The following IGF2BP3 variants were observed in gnomAD, a reference collection of about 807,000 sequenced individuals.
IGF2BP3 encodes insulin-like growth factor 2 mRNA-binding protein 3.
A neutral mutation model predicts 73.8 loss-of-function variants in IGF2BP3; 9 were observed. The observed-to-expected ratio is 0.12, with a 90% CI of 0.07 to 0.21. The LOEUF (loss-of-function observed/expected upper bound fraction) is 0.21, where lower values mean the gene tolerates loss of function less well. Among genes scored for constraint, IGF2BP3 ranks in the 10% least tolerant of loss-of-function variants. The pLI is 1.00. For synonymous variants in IGF2BP3, 258 were observed against 256.7 expected, an observed-to-expected ratio of 1.01 and a Z score of -0.05; for missense variants, 542 against 714.0, an observed-to-expected ratio of 0.76 and a Z score of 2.75.
At position 23,469,916 on chromosome 7, in the gene IGF2BP3, G is replaced by A; in HGVS notation, c.175+20C>T. The A allele has an allele frequency of 6.3e-7, 1 of 1,583,308 alleles. No individual in the cohort carries two copies. Among genetic ancestry groups the A allele is most frequent in the Non-Finnish European group, 8.6e-7 (1 of 1,166,404 alleles). On this transcript the variant is annotated intron_variant, in intron 1 of 14. Coordinates refer to ENST00000258729, the MANE Select transcript of IGF2BP3 (RefSeq NM_006547.3). This position sits in a 1 kb window ranked among gnomAD's most constrained non-coding sequence, Gnocchi z 6.1. The stretch of plus-strand genomic sequence containing the variant: ...GCAGGGCTGGGGCGAGAGCCCGGGT[G>A]GGGCCAGGCCCGGGCCCACCTGAAA...
intron 10 of IGF2BP3, among the ~76,000 whole-genome samples, chr7:23,332,559 G>A (rs1452664298): frequency 1.3e-5 from 2 of 152,166 alleles, no homozygotes; most frequent in African/African-American, 4.8e-5. Context: ...GGCCTGTCCT[G>A]CACAGCTTGG....
chr7:23,340,921 C>T (rs1784694647), intron 10 of IGF2BP3, among the ~76,000 whole-genome samples: 1 of 150,898 alleles, frequency 6.6e-6, no homozygotes, highest in Non-Finnish European at 1.5e-5. Flanking sequence ...GCAATCTCAG[C>T]TCACTACCAC....
chr7:23,452,381 C>T (rs528408892), intron 2 of IGF2BP3, among the ~76,000 whole-genome samples: 5 of 152,266 alleles, frequency 3.3e-5, no homozygotes, highest in African/African-American at 1.2e-4. Context: ...GGAAAAAACA[C>T]ATGTCTTTTT....
intron 3 of IGF2BP3, among the ~76,000 whole-genome samples, chr7:23,380,628 C>T (rs1426539408): frequency 6.6e-6 from 1 of 152,206 alleles, no homozygotes; most frequent in Non-Finnish European, 1.5e-5. Context: ...CCCTGATCAC[C>T]CCAGTCTTGG....
Position 23,328,467 on chromosome 7 carries a change from A to C in IGF2BP3, c.1204-9213T>G, listed in dbSNP as rs183141931. ...AGGTGATCCACTGCGCCTGGCCCTT[A>C]ACTACTTTTTTTAAACAACTTTAAG... is the stretch of plus-strand genomic sequence containing the variant. On this transcript the variant is annotated intron_variant, in intron 10 of 14. Transcript: ENST00000258729. Among the ~76,000 whole-genome samples the C allele has an allele frequency of 1.8e-3, 280 of 152,222 alleles. 1 individual carries two copies. The highest frequency in any genetic ancestry group is 6.6e-3 in the African/African-American group (275 of 41,548).
At chr7:23,387,738 G>A (rs1786132844) in intron 3 of IGF2BP3, among the ~76,000 whole-genome samples, 1 of 152,058 alleles carries the variant, frequency 6.6e-6, no homozygotes, top group Non-Finnish European at 1.5e-5. Context: ...CTAAGAGAAA[G>A]AAGCCACTTG....
At chr7:23,359,069 C>G (rs1023003257) in intron 5 of IGF2BP3, among the ~76,000 whole-genome samples, 4 of 152,204 alleles carry the variant, frequency 2.6e-5, no homozygotes, top group Non-Finnish European at 4.4e-5. Context: ...CTAAATTATA[C>G]AATTCTTAAC....
intron 5 of IGF2BP3, among the ~76,000 whole-genome samples, chr7:23,360,327 T>C (rs1428673011): frequency 1.3e-5 from 2 of 152,218 alleles, no homozygotes; most frequent in African/African-American, 4.8e-5. Context: ...ATCAAAGTCA[T>C]GCCATATCTG....
At chr7:23,464,866 C>G (rs570345499) in intron 2 of IGF2BP3, among the ~76,000 whole-genome samples, 2 of 151,978 alleles carry the variant, frequency 1.3e-5, no homozygotes, top group Non-Finnish European at 2.9e-5. Context: ...ACAATGCCAA[C>G]CGCTAAATCA....
At chr7:23,377,578 A>T (rs938032783) in intron 3 of IGF2BP3, among the ~76,000 whole-genome samples, 2 of 152,236 alleles carry the variant, frequency 1.3e-5, no homozygotes, top group African/African-American at 2.4e-5. Context: ...GTTGTTCTTC[A>T]AAAAGTTACC....
chr7:23,460,834 C>T (rs1788435396), intron 2 of IGF2BP3, among the ~76,000 whole-genome samples: 1 of 152,030 alleles, frequency 6.6e-6, no homozygotes, highest in South Asian at 2.1e-4. Context: ...ACCTGTAGTC[C>T]CAGCTACTTG....
chr7:23,446,771 C>G (rs980839189), intron 2 of IGF2BP3, among the ~76,000 whole-genome samples: 2 of 152,112 alleles, frequency 1.3e-5, no homozygotes, highest in African/African-American at 4.8e-5. Context: ...TAACTTTACC[C>G]TGAAGAAGCC....
chr7:23,432,814 T>C lies in IGF2BP3; in HGVS notation c.237-13990A>G, dbSNP rs191330655. On this transcript the variant is annotated intron_variant, in intron 2 of 14. Coordinates refer to ENST00000258729, the MANE Select transcript of IGF2BP3 (RefSeq NM_006547.3). ...CGCTACCGCACCCAGCTAATTTTTGTATTTTTCATAAGCTGTGGTTTCACC... is the reference window on the plus strand; with the variant it reads ...CGCTACCGCACCCAGCTAATTTTTGCATTTTTCATAAGCTGTGGTTTCACC... Among the ~76,000 whole-genome samples the C allele has an allele frequency of 2.0e-5, 3 of 152,312 alleles. No homozygotes were observed. In the East Asian group the frequency reaches 5.8e-4, roughly 29 times the overall value.
intron 12 of IGF2BP3, among the ~76,000 whole-genome samples, chr7:23,314,521 C>T (rs573059940): frequency 9.9e-5 from 15 of 151,820 alleles, no homozygotes; most frequent in East Asian, 3.9e-4. Context: ...TATGTTGCCA[C>T]GCTCATCACA....
intron 2 of IGF2BP3, among the ~76,000 whole-genome samples, chr7:23,437,542 C>T (rs1371453064): frequency 2.6e-5 from 4 of 151,982 alleles, no homozygotes; most frequent in South Asian, 2.1e-4. Flanking sequence ...GGACTGTCCA[C>T]TTAAATGAAA....
At chr7:23,418,963 C>T (rs1421779188) in intron 2 of IGF2BP3, 139 bp from the exon 3 acceptor site, 2 of 579,122 alleles carry the variant, frequency 3.5e-6, no homozygotes, top group Non-Finnish European at 3.0e-6. Context: ...AAAATACAGC[C>T]CAAGAAGGAA....
At chr7:23,363,007 G>A (rs1785271276) in intron 3 of IGF2BP3, among the ~76,000 whole-genome samples, 1 of 152,104 alleles carries the variant, frequency 6.6e-6, no homozygotes, top group Non-Finnish European at 1.5e-5. Context: ...CTCCTGCCCT[G>A]GCCTCCCAAA....
intron 2 of IGF2BP3, among the ~76,000 whole-genome samples, chr7:23,430,596 T>A (rs1051212697): frequency 6.6e-6 from 1 of 152,244 alleles, no homozygotes; most frequent in African/African-American, 2.4e-5. Context: ...ATGGCTATAC[T>A]GTAATTACAC....
intron 3 of IGF2BP3, among the ~76,000 whole-genome samples, chr7:23,412,801 C>T (rs1787065520): frequency 7.8e-6 from 1 of 128,648 alleles, no homozygotes; most frequent in African/African-American, 2.9e-5. Context: ...AAGGAAATAA[C>T]ATTAGGAGAA....
Sources: allele counts gnomAD v4.1 joint callset (sites outside exome capture counted in the v4.1 genomes callset), GRCh38; gene constraint gnomAD v4.1.1; non-coding constraint Gnocchi (gnomAD v3.1); transcripts MANE v1.5; gene names NCBI Gene and HGNC (gene_info 2026-07-23, HGNC 2026-07-21).